The following GMFB variants were observed in gnomAD, a reference collection of about 807,000 sequenced individuals.
GMFB encodes the protein glia maturation factor beta.
In GMFB, 13 loss-of-function variants were observed where a neutral mutation model predicts 25.6. The ratio of observed to expected loss-of-function variants is 0.51; its 90% CI spans 0.33 to 0.81. The LOEUF (loss-of-function observed/expected upper bound fraction) is 0.81, where lower values mean the gene tolerates loss of function less well. GMFB is among the 30% of genes least tolerant of loss of function. The pLI, the probability that GMFB is intolerant of heterozygous loss-of-function variation, is 0.02. For missense variants in GMFB, 146 were observed against 175.4 expected (o/e 0.83, Z 0.95); for synonymous variants, 57 against 56.9 (o/e 1.00, Z 0.00).
chr14:54,482,591 C>T (rs186894769), intron 2 of GMFB, among the ~76,000 whole-genome samples: 7 of 152,224 alleles, frequency 4.6e-5, no homozygotes, highest in Non-Finnish European at 1.0e-4. Context: ...AGTGCCTGAT[C>T]GGGGATCAAA....
At position 54,480,896 on chromosome 14, in the gene GMFB, G is replaced by A. The variant is rs772270133; in HGVS notation, c.261C>T (p.Cys87=). ...TACCAACAGGACTGGAGAAAATAAA[G>A]CACAGAGGATATGAAACTCTTCCAT... ...HDDGRVSYPL[C]FIFSSPVGCK... Residue 87 remains cysteine, a synonymous_variant, in exon 5 of 7, where the codon TGC becomes TGT. Coordinates refer to ENST00000358056, the MANE Select transcript of GMFB (RefSeq NM_004124.3). 7.9e-6 allele frequency: 12 copies of A among 1,516,776 alleles called. No individual in the cohort carries two copies. The East Asian group carries it at 2.3e-4, about 29-fold the overall frequency. 94.0% of individuals were successfully genotyped at this position (1,516,776 alleles called of 1,614,324 possible). A position where few individuals can be genotyped will look rare whatever the true frequency, so the allele number is the denominator to read the frequency against.
chr14:54,488,561 T>C (rs866670853), intron 1 of GMFB: 5 of 247,780 alleles, frequency 2.0e-5, no homozygotes, highest in East Asian at 7.3e-5. Context: ...AAAGCAGGAA[T>C]TGAGGGAGCC....
At chr14:54,486,574 T>A (rs561201160) in intron 1 of GMFB, among the ~76,000 whole-genome samples, 6 of 152,284 alleles carry the variant, frequency 3.9e-5, no homozygotes, top group African/African-American at 1.4e-4. Flanking sequence ...AAAGGATTAA[T>A]AATCAGAATA....
chr14:54,488,578 T>C (rs72711667), intron 1 of GMFB: 292 of 285,980 alleles, frequency 1.0e-3, no homozygotes, highest in Non-Finnish European at 1.7e-3. Flanking sequence ...AGCCCTCCGA[T>C]GGGGCAGACC....
At chr14:54,478,648 A>G (rs1482961310) in intron 6 of GMFB, 1 of 152,258 alleles carries the variant, frequency 6.6e-6, no homozygotes, top group Non-Finnish European at 1.5e-5. Context: ...CCCAGAAAGC[A>G]TAACGGCTAT....
intron 1 of GMFB, among the ~76,000 whole-genome samples, chr14:54,485,243 T>G (rs1279012301): frequency 6.6e-6 from 1 of 152,042 alleles, no homozygotes; most frequent in African/African-American, 2.4e-5. Flanking sequence ...TTATCCTTGT[T>G]TATGACAACA....
rs1167615602 is a variant in GMFB, at chr14:54,481,450, T to C, written c.159A>G (p.Ser53=). 1.2e-6 allele frequency: 2 copies of C among 1,608,284 alleles called. No homozygotes were observed. The highest frequency in any genetic ancestry group is 3.3e-5 in the Admixed American group (2 of 59,972). ...VVLDEELEGI[S]PDELKDELPE... is the part of the protein sequence containing the mutation. ...GTAGTTCATCTTTAAGTTCATCTGG[T>C]GAAATGCCCTGGCACCACAGAGAAA... Residue 53 remains serine (S), a synonymous_variant, in exon 4 of 7, where the codon TCA becomes TCG. Coordinates refer to ENST00000358056, the MANE Select transcript of GMFB (RefSeq NM_004124.3).
Position 54,478,025 on chromosome 14 carries a change from T to C in GMFB, c.*63A>G, listed in dbSNP as rs1566496386. 1 of 704,812 alleles carries C rather than the reference T, an allele frequency of 1.4e-6. No homozygotes were observed. The highest frequency in any genetic ancestry group is 2.4e-6 in the Non-Finnish European group (1 of 425,434). 43.7% of individuals were successfully genotyped at this position (704,812 alleles called of 1,614,324 possible). ...TGCATTTTTAGGCATAAATAAGTAT[T>C]TATGTCTGATTCCAGTATGGTCAGG... On this transcript the variant is annotated 3_prime_UTR_variant, in exon 7 of 7. Transcript: ENST00000358056.
chr14:54,484,917 TAAC>T (rs1409246989), intron 1 of GMFB, among the ~76,000 whole-genome samples: 1 of 151,846 alleles, frequency 6.6e-6, no homozygotes, highest in African/African-American at 2.4e-5. Flanking sequence ...ATTAACAGAA[TAAC>T]AAAAATCGTA....
At position 54,479,921 on chromosome 14, in the gene GMFB, T is replaced by C. The variant is rs543369570; in HGVS notation, c.284-62A>G. 1.3e-4 allele frequency: 115 copies of C among 908,842 alleles called. 1 individual carries two copies. The South Asian group carries it at 1.5e-3, about 12-fold the overall frequency. 56.3% of individuals were successfully genotyped at this position (908,842 alleles called of 1,614,324 possible). On this transcript the variant is annotated intron_variant, in intron 5 of 6. Coordinates refer to ENST00000358056, the MANE Select transcript of GMFB (RefSeq NM_004124.3). ...ATTTTGAGAAAGGTATGGGTTATCA[T>C]TATTTTTATTTTTTAAAATGACACA...
chr14:54,487,891 G>A (rs530847249), intron 1 of GMFB, among the ~76,000 whole-genome samples: 180 of 152,306 alleles, frequency 1.2e-3, no homozygotes, highest in Non-Finnish European at 1.8e-3. Flanking sequence ...GCATTGTCCA[G>A]GGAAAGGAGA....
chr14:54,487,564 T>A (rs1343500122), intron 1 of GMFB, among the ~76,000 whole-genome samples: 1 of 150,832 alleles, frequency 6.6e-6, no homozygotes, highest in Non-Finnish European at 1.5e-5. Flanking sequence ...AAAAACAAAA[T>A]TAGCCGGGCG....
chr14:54,488,667 TG>T (rs959010878), intron 1 of GMFB: 25 of 433,904 alleles, frequency 5.8e-5, no homozygotes, highest in African/African-American at 4.1e-4. Context: ...CCAACCCCCC[TG>T]CTCGTGGCCG....
rs187250391 is a variant in GMFB, at chr14:54,486,218, C to T, written c.4-2451G>A. 4.7e-3 allele frequency among the ~76,000 whole-genome samples: 716 copies of T among 152,290 alleles called. 2 individuals carry two copies. The highest frequency in any genetic ancestry group is 7.6e-3 in the Non-Finnish European group (514 of 68,032). On this transcript the variant is annotated intron_variant, in intron 1 of 6. Coordinates refer to ENST00000358056, the MANE Select transcript of GMFB (RefSeq NM_004124.3). ...TGAGCCGAGATTGCACCACTGCACT[C>T]TAGCCTGGCGACAGAGCGAGACTCC...
intron 1 of GMFB, among the ~76,000 whole-genome samples, chr14:54,486,327 G>A (rs1450790940): frequency 6.6e-6 from 1 of 152,138 alleles, no homozygotes; most frequent in African/African-American, 2.4e-5. Flanking sequence ...ATGGATTAAA[G>A]ACTTAAATGT....
At position 54,480,955 on chromosome 14, in the gene GMFB, A is replaced by T. The variant is rs2031703374; in HGVS notation, c.202T>A (p.Phe68Ile). 6.9e-7 allele frequency: 1 copy of T among 1,444,618 alleles called. No individual in the cohort carries two copies. The allele number at this position is 1,444,618 out of a possible 1,614,324, so 89.5% of individuals were successfully genotyped here. The stretch of plus-strand genomic sequence containing the variant: ...TGATATTTATAACTATACACAATGA[A>T]GGTTTTTCTCAAGTTAAAGAAACTA... ...KDELPERQPR[F>I]IVYSYKYQHD... The change falls in exon 5 of 7, where the codon TTC becomes ATC. Residue 68 changes from phenylalanine to isoleucine, a missense_variant and splice_region_variant. Coordinates refer to ENST00000358056, the MANE Select transcript of GMFB (RefSeq NM_004124.3).
chr14:54,483,673 A>G lies in GMFB; in HGVS notation c.98T>C (p.Ile33Thr), dbSNP rs760673429. Residue 33 changes from isoleucine (I) to threonine (T), a missense_variant and splice_region_variant, in exon 2 of 7, where the codon ATA becomes ACA. Ile to Thr is a moderately conservative substitution (Grantham distance 89). Coordinates refer to ENST00000358056, the MANE Select transcript of GMFB (RefSeq NM_004124.3). ...FRKETNNAAI[I>T]MKIDKDKRLV... ...TGAGGCAATCACTTTTAGCTTACTTATAATAGCAGCGTTGTTCGTTTCTTT... is the reference window on the plus strand; with the variant it reads ...TGAGGCAATCACTTTTAGCTTACTTGTAATAGCAGCGTTGTTCGTTTCTTT... The G allele has an allele frequency of 8.5e-6, 13 of 1,525,278 alleles. No homozygotes were observed. The East Asian group carries it at 2.0e-4, about 24-fold the overall frequency. The allele number at this position is 1,525,278 out of a possible 1,614,324, so 94.5% of individuals were successfully genotyped here.
rs1298390936 is a variant in GMFB, at chr14:54,475,241, G to C, written c.*2847C>G. On this transcript the variant is annotated 3_prime_UTR_variant, in exon 7 of 7. Transcript: ENST00000358056. Reference sequence around the variant, plus strand: ...CCTTCCTTAATATCTATATGGGTTGGGGGGAACAGCCAAATTTAATTTGGC... The same window carrying C: ...CCTTCCTTAATATCTATATGGGTTGCGGGGAACAGCCAAATTTAATTTGGC... 1 of 152,458 alleles carries C rather than the reference G, an allele frequency of 6.6e-6. No homozygotes were observed. The highest frequency in any genetic ancestry group is 1.5e-5 in the Non-Finnish European group (1 of 67,972). 9.4% of individuals were successfully genotyped at this position (152,458 alleles called of 1,614,324 possible).
chr14:54,482,039 A>T (rs2031717840), intron 3 of GMFB, 114 bp downstream of exon 3: 1 of 684,706 alleles, frequency 1.5e-6, no homozygotes, highest in African/African-American at 1.8e-5. Context: ...CATAATGAGC[A>T]TGTATTTAAA....
Sources: gnomAD v4.1 joint callset for allele counts (sites outside exome capture counted in the v4.1 genomes callset) on GRCh38, gnomAD v4.1.1 for gene constraint, MANE v1.5 for transcripts, NCBI Gene and HGNC (gene_info 2026-07-23, HGNC 2026-07-21) for gene names.